The following TLE2 variants were observed in gnomAD, a reference collection of about 807,000 sequenced individuals.
The protein encoded by TLE2 is transducin-like enhancer protein 2.
A neutral mutation model predicts 97.2 loss-of-function variants in TLE2; 74 were observed. The observed-to-expected ratio is 0.76, with a 90% CI of 0.63 to 0.92. TLE2 has a LOEUF of 0.92. Among genes scored for constraint, TLE2 ranks in the 40% least tolerant of loss-of-function variants. The probability of loss-of-function intolerance (pLI) is 0.00; values close to 1 mark genes in which losing one functional copy is unlikely to be tolerated. For synonymous variants in TLE2, 499 were observed against 432.1 expected (o/e 1.15, Z -1.92); for missense variants, 1,038 against 1,008.7 (o/e 1.03, Z -0.39).
intron 16 of TLE2, 46 bp downstream of exon 16, chr19:3,005,675 G>C (rs368477804): frequency 4.7e-5 from 75 of 1,607,336 alleles, no homozygotes; most frequent in Non-Finnish European, 6.3e-5. Context: ...CCTGCACCGA[G>C]AGCGGCCGGG....
intron 4 of TLE2, among the ~76,000 whole-genome samples, chr19:3,026,188 T>C (rs537295765): frequency 3.0e-4 from 46 of 152,246 alleles, no homozygotes; most frequent in African/African-American, 9.9e-4. Context: ...GGCTCACTCC[T>C]GTAATCCCAG....
chr19:3,041,014 T>TGTATATATATA (rs55998855), intron 1 of TLE2, among the ~76,000 whole-genome samples: 1 of 20,166 alleles, frequency 5.0e-5, no homozygotes, highest in Non-Finnish European at 8.4e-5. Context: ...TATATATATA[T>TGTATATATATA]TTTTTTTTTT....
chr19:3,017,810 A>G (rs762583735), intron 8 of TLE2, 30 bp downstream of exon 8: 1 of 1,607,394 alleles, frequency 6.2e-7, no homozygotes, highest in Admixed American at 1.7e-5. Flanking sequence ...CCAAGAATAT[A>G]AAAAGAGTCC....
intron 17 of TLE2, 56 bp from the exon 18 acceptor site, chr19:3,002,559 G>C: frequency 1.3e-6 from 2 of 1,531,938 alleles, no homozygotes; most frequent in South Asian, 1.2e-5. Context: ...TTTGTGTTGA[G>C]ACAGGGTCTC....
chr19:3,006,710 C>G (rs367644495), intron 14 of TLE2, 41 bp from the exon 15 acceptor site: 2 of 1,543,870 alleles, frequency 1.3e-6, no homozygotes, highest in African/African-American at 1.4e-5. Context: ...CTGGGCACCA[C>G]GCCCCCGCAC....
intron 1 of TLE2, among the ~76,000 whole-genome samples, chr19:3,042,875 G>T (rs1195254919): frequency 2.0e-5 from 3 of 152,138 alleles, no homozygotes; most frequent in African/African-American, 7.2e-5. Flanking sequence ...GAGAAGGAGG[G>T]GGACAAAGAC....
chr19:3,001,841 A>G (rs1599193297), intron 18 of TLE2, among the ~76,000 whole-genome samples: 1 of 132,104 alleles, frequency 7.6e-6, no homozygotes, highest in Admixed American at 8.7e-5. Flanking sequence ...CTTGTCTCCC[A>G]GGCTGGAATG....
At position 3,011,917 on chromosome 19, in the gene TLE2, C is replaced by CT. The variant is rs34532454; in HGVS notation, c.874-758dup. Among the ~76,000 whole-genome samples, 331 of 146,368 alleles carry CT rather than the reference C, an allele frequency of 2.3e-3. 1 individual carries two copies. Among genetic ancestry groups the CT allele is most frequent in the Middle Eastern group, 6.9e-3 (2 of 288 alleles). On this transcript the variant is annotated intron_variant, in intron 11 of 19. Transcript: ENST00000262953. ...TTATAGGCTGTCAAGATTTGCAATT[C>CT]TTTTTTTTTTTAATACAGGGTCTTG... is the stretch of plus-strand genomic sequence containing the variant.
chr19:3,012,626 A>G (rs1042270448), intron 11 of TLE2, among the ~76,000 whole-genome samples: 1 of 152,112 alleles, frequency 6.6e-6, no homozygotes, highest in Non-Finnish European at 1.5e-5. Context: ...CCTAGCACAC[A>G]CTGCAATCCT....
At chr19:3,041,641 G>A (rs763769027) in intron 1 of TLE2, among the ~76,000 whole-genome samples, 1 of 152,184 alleles carries the variant, frequency 6.6e-6, no homozygotes, top group Non-Finnish European at 1.5e-5. Context: ...TCTCTGCAAT[G>A]GTCTTGACCT....
rs1298038713 is a variant in TLE2 at position 3,019,094 on chromosome 19, C to T, written c.550+189G>A. ...TTAAATTTTTGTAGAGACGGGGTCT[C>T]GCTCTGTTGCCCAGGCTGGTCATGA... On this transcript the variant is annotated intron_variant, in intron 7 of 19. Transcript: ENST00000262953. This position sits in a 1 kb window ranked among gnomAD's most constrained non-coding sequence, Gnocchi z 5.1. Among the ~76,000 whole-genome samples the T allele has an allele frequency of 4.0e-5, 6 of 151,624 alleles. No individual in the cohort carries two copies. Among genetic ancestry groups the T allele is most frequent in the South Asian group, 2.1e-4 (1 of 4,782 alleles).
chr19:3,023,516 G>A (rs1283400302), intron 5 of TLE2, among the ~76,000 whole-genome samples: 1 of 152,158 alleles, frequency 6.6e-6, no homozygotes, highest in Non-Finnish European at 1.5e-5. Flanking sequence ...GGTCCTCAAG[G>A]CATCAAGGAT....
Position 3,019,371 on chromosome 19 carries a change from A to C in TLE2, c.462T>G (p.Leu154=). ...GLVGGSATGL[L]ALSGALAAQA... ...GGGCAGCCAGGGCTCCAGACAGAGC[A>C]AGCAGCCCCGTAGCACTGCCGCCCA... The change falls in exon 7 of 20, where the codon CTT becomes CTG. Residue 154 remains leucine (L), a synonymous_variant. Transcript: ENST00000262953. This position sits in a 1 kb window ranked among gnomAD's most constrained non-coding sequence, Gnocchi z 5.1. 1 of 1,555,780 alleles carries C rather than the reference A, an allele frequency of 6.4e-7. No individual in the cohort carries two copies. The highest frequency in any genetic ancestry group is 8.6e-7 in the Non-Finnish European group (1 of 1,157,910).
chr19:3,047,377 C>CA (rs1203816806), upstream of TLE2, among the ~76,000 whole-genome samples: 3 of 146,700 alleles, frequency 2.0e-5, no homozygotes, highest in Non-Finnish European at 4.5e-5. Context: ...CACCCGCCCC[C>CA]CAGCGGGCCC....
At chr19:3,027,357 T>C (rs1035108207) in intron 4 of TLE2, among the ~76,000 whole-genome samples, 3 of 152,246 alleles carry the variant, frequency 2.0e-5, no homozygotes, top group African/African-American at 7.2e-5. Context: ...TCTTGGAACC[T>C]TCCAGCCAAT....
intron 19 of TLE2, among the ~76,000 whole-genome samples, chr19:2,998,498 G>C (rs1250453584): frequency 6.6e-6 from 1 of 152,004 alleles, no homozygotes; most frequent in Non-Finnish European, 1.5e-5. Context: ...GGTTGGGCTT[G>C]AACTCCTGAC....
chr19:3,015,831 C>T, intron 8 of TLE2, 71 bp from the exon 9 acceptor site: 2 of 1,178,462 alleles, frequency 1.7e-6, no homozygotes, highest in Non-Finnish European at 1.2e-6. Flanking sequence ...TGTGATCCAG[C>T]CGAGACTGAG....
intron 9 of TLE2, 69 bp downstream of exon 9, chr19:3,015,584 A>G: frequency 7.8e-7 from 1 of 1,278,880 alleles, no homozygotes; most frequent in Non-Finnish European, 1.1e-6. Flanking sequence ...GGGCTCTGGA[A>G]GGCTCTGAGG....
chr19:3,015,052 C>A, intron 9 of TLE2, among the ~76,000 whole-genome samples: 3 of 67,402 alleles, frequency 4.5e-5, no homozygotes, highest in Admixed American at 2.2e-4. Flanking sequence ...AAATAAAATT[C>A]ATTGCCAAAA....
Sources: gnomAD v4.1 joint callset for allele counts (sites outside exome capture counted in the v4.1 genomes callset) on GRCh38, gnomAD v4.1.1 for gene constraint, Gnocchi (gnomAD v3.1) non-coding constraint, MANE v1.5 for transcripts, NCBI Gene and HGNC (gene_info 2026-07-23, HGNC 2026-07-21) for gene names.